The following ENTHD1 variants were observed in gnomAD, a reference collection of about 807,000 sequenced individuals.
ENTHD1 encodes the protein ENTH domain-containing protein 1.
Under a neutral mutation model 39.1 loss-of-function variants are expected in ENTHD1, and 23 were observed. That is an observed-to-expected ratio of 0.59 (90% CI 0.42 to 0.83). The LOEUF (loss-of-function observed/expected upper bound fraction) is 0.83, where lower values mean the gene tolerates loss of function less well. ENTHD1 is among the 40% of genes least tolerant of loss of function. The probability of loss-of-function intolerance (pLI) is 0.00; values close to 1 mark genes in which losing one functional copy is unlikely to be tolerated. For missense variants in ENTHD1, 624 were observed against 705.4 expected, an observed-to-expected ratio of 0.88 and a Z score of 1.31; for synonymous variants, 230 against 258.2, an observed-to-expected ratio of 0.89 and a Z score of 1.05.
At chr22:39,828,162 A>G (rs77521412) in intron 4 of ENTHD1, among the ~76,000 whole-genome samples, 9,327 of 152,194 alleles carry the variant, frequency 0.061, 398 homozygotes, top group South Asian at 0.13. Context: ...AGACACAAAA[A>G]TTTCCCCCCA....
rs147556733 is a variant in ENTHD1, at chr22:39,826,183, A to G, written c.712-5070T>C. On this transcript the variant is annotated intron_variant, in intron 4 of 6. Transcript: ENST00000325157. ...TGAGCATGCCTGGCCCGTAAGTATA[A>G]AGTTGTTGATAGTAATCCCTTACTA... 1.1e-4 allele frequency among the ~76,000 whole-genome samples: 17 copies of G among 152,194 alleles called. No homozygotes were observed. The East Asian group carries it at 2.7e-3, about 24-fold the overall frequency.
Position 39,743,799 on chromosome 22 carries a change from T to C in ENTHD1, c.1704A>G (p.Thr568=), listed in dbSNP as rs776918756. ...AIARLHEDLS[T]VIQELNVINN... The stretch of plus-strand genomic sequence containing the variant: ...TGATGACATTAAGTTCTTGGATCAC[T>C]GTGCTCAGATCTTCATGTAATCTAG... Residue 568 remains threonine, a synonymous_variant, in exon 7 of 7, where the codon ACA becomes ACG. Transcript: ENST00000325157. 2 of 1,614,074 alleles carry C rather than the reference T, an allele frequency of 1.2e-6. No homozygotes were observed. Among genetic ancestry groups the C allele is most frequent in the African/African-American group, 2.7e-5 (2 of 74,940 alleles).
chr22:39,771,956 C>T (rs925331069), intron 5 of ENTHD1, among the ~76,000 whole-genome samples: 2 of 152,034 alleles, frequency 1.3e-5, no homozygotes, highest in Non-Finnish European at 2.9e-5. Context: ...ATTGTTTTTA[C>T]TCTTAATTTT....
chr22:39,883,498 C>T (rs1433265321), intron 2 of ENTHD1, among the ~76,000 whole-genome samples: 2 of 152,080 alleles, frequency 1.3e-5, no homozygotes, highest in Non-Finnish European at 2.9e-5. Context: ...CCATAGCTAA[C>T]ATCATACTTG....
chr22:39,890,203 T>C (rs2062505571), intron 1 of ENTHD1, among the ~76,000 whole-genome samples: 1 of 151,880 alleles, frequency 6.6e-6, no homozygotes, highest in African/African-American at 2.4e-5. Flanking sequence ...AAAGACACTA[T>C]CATTAACCCT....
intron 5 of ENTHD1, among the ~76,000 whole-genome samples, chr22:39,781,324 T>C (rs1346908759): frequency 1.3e-5 from 2 of 152,082 alleles, no homozygotes; most frequent in Non-Finnish European, 2.9e-5. Flanking sequence ...TGGACCACAA[T>C]GGACTGCAAC....
chr22:39,875,550 A>G (rs1468854068), intron 2 of ENTHD1: 3 of 1,611,580 alleles, frequency 1.9e-6, no homozygotes, highest in Middle Eastern at 1.7e-4. Flanking sequence ...AAGGTGCCTG[A>G]CTTCTCTGAA....
intron 3 of ENTHD1, among the ~76,000 whole-genome samples, chr22:39,847,368 T>C: frequency 1.3e-5 from 1 of 76,842 alleles, no homozygotes; most frequent in African/African-American, 5.3e-5. Flanking sequence ...TGGGGACTGT[T>C]GTGGGGTGGG....
In ENTHD1 at chr22:39,892,389, T is replaced by G. The variant is rs545236775; in HGVS notation, c.-156+1306A>C. Among the ~76,000 whole-genome samples the G allele has an allele frequency of 1.9e-4, 29 of 152,350 alleles. No homozygotes were observed. In the South Asian group the frequency reaches 6.0e-3, roughly 32 times the overall value. ...CAGATGATTTGTGGAAATTCTCTTT[T>G]GGGTGCGGTGGTAGGGGTGGAATTT... On this transcript the variant is annotated intron_variant, in intron 1 of 6. Transcript: ENST00000325157.
chr22:39,797,935 T>C (rs1286361690), intron 5 of ENTHD1, among the ~76,000 whole-genome samples: 1 of 152,166 alleles, frequency 6.6e-6, no homozygotes, highest in Non-Finnish European at 1.5e-5. Flanking sequence ...TTGTATCTAT[T>C]TGTGAATTTC....
chr22:39,840,608 TGC>T (rs1443980977), intron 3 of ENTHD1, among the ~76,000 whole-genome samples: 1 of 152,182 alleles, frequency 6.6e-6, no homozygotes, highest in Non-Finnish European at 1.5e-5. Flanking sequence ...ACAGATATAT[TGC>T]ATTATAGAAA....
intron 5 of ENTHD1, among the ~76,000 whole-genome samples, chr22:39,815,175 C>G (rs2065723589): frequency 1.3e-5 from 2 of 152,118 alleles, no homozygotes; most frequent in Admixed American, 1.3e-4. Context: ...CATTTTAAGG[C>G]CTGGTGCAGG....
intron 6 of ENTHD1, among the ~76,000 whole-genome samples, chr22:39,761,394 T>C (rs1040932872): frequency 2.0e-5 from 3 of 152,224 alleles, no homozygotes; most frequent in Non-Finnish European, 4.4e-5. Flanking sequence ...CCAACTATGA[T>C]GTGTCTAGAC....
chr22:39,844,297 G>T (rs947985089), intron 3 of ENTHD1, among the ~76,000 whole-genome samples: 1 of 152,080 alleles, frequency 6.6e-6, no homozygotes, highest in African/African-American at 2.4e-5. Flanking sequence ...CTTTACTGCT[G>T]GAGATCTTAA....
At chr22:39,875,349 G>A in intron 2 of ENTHD1, 5 of 1,353,060 alleles carry the variant, frequency 3.7e-6, no homozygotes, top group South Asian at 1.9e-5. Flanking sequence ...GCCACGTCCC[G>A]CGGGGTGGCG....
At chr22:39,762,210 G>C (rs1454102303) in intron 6 of ENTHD1, among the ~76,000 whole-genome samples, 1 of 152,066 alleles carries the variant, frequency 6.6e-6, no homozygotes, top group African/African-American at 2.4e-5. Context: ...TAGTTTAGTG[G>C]TCGGTCAAGA....
chr22:39,829,868 A>G (rs2065855251), intron 4 of ENTHD1, among the ~76,000 whole-genome samples: 1 of 152,040 alleles, frequency 6.6e-6, no homozygotes, highest in African/African-American at 2.4e-5. Context: ...AATTTTATTT[A>G]TTTATTTATT....
At chr22:39,880,527 C>G (rs973486665) in intron 2 of ENTHD1, among the ~76,000 whole-genome samples, 1 of 152,022 alleles carries the variant, frequency 6.6e-6, no homozygotes, top group Non-Finnish European at 1.5e-5. Flanking sequence ...AACAAATGTA[C>G]CACTTTGGTT....
chr22:39,803,595 AT>A (rs1200286742), intron 5 of ENTHD1, among the ~76,000 whole-genome samples: 3 of 152,072 alleles, frequency 2.0e-5, no homozygotes, highest in African/African-American at 7.2e-5. Context: ...TTAAAATCTA[AT>A]TTCTCAATCT....
Sources: gnomAD v4.1 joint callset for allele counts (sites outside exome capture counted in the v4.1 genomes callset) on GRCh38, gnomAD v4.1.1 for gene constraint, MANE v1.5 for transcripts, NCBI Gene and HGNC (gene_info 2026-07-23, HGNC 2026-07-21) for gene names.